The following ZNF827 variants were observed in gnomAD, a reference collection of about 807,000 sequenced individuals.
ZNF827 encodes zinc finger protein 827.
A neutral mutation model predicts 102.4 loss-of-function variants in ZNF827; 13 were observed. The observed-to-expected ratio is 0.13, with a 90% confidence interval of 0.08 to 0.20. The LOEUF (loss-of-function observed/expected upper bound fraction) is 0.20. Among genes scored for constraint, ZNF827 ranks in the 10% least tolerant of loss-of-function variants. ZNF827 has a pLI of 1.00. For missense variants in ZNF827, 1,103 were observed against 1,344.4 expected, an observed-to-expected ratio of 0.82 and a Z score of 2.81; for synonymous variants, 523 against 536.2, an observed-to-expected ratio of 0.98 and a Z score of 0.34.
intron 1 of ZNF827, among the ~76,000 whole-genome samples, chr4:145,924,124 T>C (rs1470380783): frequency 6.6e-6 from 1 of 152,162 alleles, no homozygotes; most frequent in Non-Finnish European, 1.5e-5. Flanking sequence ...AAGGTAACCA[T>C]TGAATGAAAC....
chr4:145,871,211 C>G (rs544664747), intron 4 of ZNF827, among the ~76,000 whole-genome samples: 2 of 152,114 alleles, frequency 1.3e-5, no homozygotes, highest in Non-Finnish European at 2.9e-5. Flanking sequence ...CCAGAATTCC[C>G]TAATGTTAGC....
In ZNF827 at chr4:145,918,113, C is replaced by A. The variant is rs866039155; in HGVS notation, c.44-14898G>T. On this transcript the variant is annotated intron_variant, in intron 1 of 14. Coordinates refer to ENST00000508784, the MANE Select transcript of ZNF827 (RefSeq NM_001306215.2). ...AGTAAAAACATCAATTGCTTTTGCA[C>A]CAATCTAATAAATTTGCTCAACTAA... Among the ~76,000 whole-genome samples, 9 of 152,010 alleles carry A rather than the reference C, an allele frequency of 5.9e-5. No individual in the cohort carries two copies. In the South Asian group the frequency reaches 1.9e-3, roughly 32 times the overall value.
intron 8 of ZNF827, among the ~76,000 whole-genome samples, chr4:145,815,465 G>A (rs1309468464): frequency 6.6e-6 from 1 of 152,176 alleles, no homozygotes; most frequent in African/African-American, 2.4e-5. Context: ...TGTGATGTGG[G>A]AGTGTCTTCT....
chr4:145,922,746 T>C (rs75228259), intron 1 of ZNF827, among the ~76,000 whole-genome samples: 25 of 152,336 alleles, frequency 1.6e-4, no homozygotes, highest in Admixed American at 5.2e-4. Flanking sequence ...TCACTTTTAA[T>C]TGAAAGGATA....
chr4:145,881,070 G>C (rs1422300337), intron 4 of ZNF827, among the ~76,000 whole-genome samples: 1 of 152,192 alleles, frequency 6.6e-6, no homozygotes, highest in African/African-American at 2.4e-5. Flanking sequence ...TACAAAAACT[G>C]TATTGTAAAT....
chr4:145,862,575 A>T (rs938414731), intron 5 of ZNF827, among the ~76,000 whole-genome samples: 1 of 152,172 alleles, frequency 6.6e-6, no homozygotes. Context: ...GAGGAAAGTG[A>T]TCCAGCCATT....
intron 2 of ZNF827, among the ~76,000 whole-genome samples, chr4:145,896,053 A>G (rs969197945): frequency 6.6e-6 from 1 of 152,224 alleles, no homozygotes; most frequent in African/African-American, 2.4e-5. Context: ...TGGAGAAAAC[A>G]TATTCTCTTC....
chr4:145,847,394 G>A (rs540157849), intron 6 of ZNF827, among the ~76,000 whole-genome samples: 4 of 152,240 alleles, frequency 2.6e-5, no homozygotes, highest in South Asian at 2.1e-4. Context: ...CAACTGTTCC[G>A]CCTCTGACTT....
At chr4:145,769,074 A>G (rs1380407275) in intron 11 of ZNF827, among the ~76,000 whole-genome samples, 1 of 151,248 alleles carries the variant, frequency 6.6e-6, no homozygotes, top group Non-Finnish European at 1.5e-5. Flanking sequence ...AGAAATATGT[A>G]CCCACTTACA....
intron 5 of ZNF827, among the ~76,000 whole-genome samples, chr4:145,857,135 G>A (rs188495735): frequency 5.7e-4 from 87 of 152,268 alleles, no homozygotes; most frequent in African/African-American, 2.0e-3. Context: ...ATTTAGGAAG[G>A]AAAATTAACA....
At chr4:145,797,078 G>A (rs979339318) in intron 8 of ZNF827, among the ~76,000 whole-genome samples, 1 of 152,188 alleles carries the variant, frequency 6.6e-6, no homozygotes, top group Non-Finnish European at 1.5e-5. Flanking sequence ...CTGGGGTCAT[G>A]CCAAACCAGA....
rs1736759957 is a variant in ZNF827 at position 145,774,548 on chromosome 4, C to T, written c.2818G>A (p.Glu940Lys). Residue 940 changes from glutamate (E) to lysine (K), a missense_variant, in exon 11 of 15, where the codon GAG (glutamate) becomes AAG (lysine). Around this residue, in one of 5 missense-constraint regions of ZNF827, gnomAD observed 242 missense variants for 361.9 expected, o/e 0.67. Transcript: ENST00000508784. The part of the protein sequence containing the change: ...CCTACDFVTM[E>K]EAEIKTHIGT... ...ATGTGAGTCTTTATCTCTGCTTCCTCCATGGTGACGAAGTCGCAGGCAGTG... is the reference window on the plus strand; with the variant it reads ...ATGTGAGTCTTTATCTCTGCTTCCTTCATGGTGACGAAGTCGCAGGCAGTG... 6.2e-7 allele frequency: 1 copy of T among 1,612,290 alleles called. No homozygotes were observed.
chr4:145,870,498 G>A lies in ZNF827; in HGVS notation c.1748-20C>T. 1.2e-6 allele frequency: 2 copies of A among 1,608,648 alleles called. No homozygotes were observed. Among genetic ancestry groups the A allele is most frequent in the South Asian group, 2.2e-5 (2 of 90,862 alleles). ...TTGCAGCTGTCAAAAGAAAAAAAGG[G>A]ATTATATATACATAAAAGGCCACTC... On this transcript the variant is annotated intron_variant, in intron 4 of 14. Transcript: ENST00000508784.
At chr4:145,889,962 G>T (rs564994356) in intron 3 of ZNF827, among the ~76,000 whole-genome samples, 4 of 149,850 alleles carry the variant, frequency 2.7e-5, no homozygotes, top group African/African-American at 9.8e-5. Context: ...GGGTAAGAGA[G>T]CTAGACTCCG....
At chr4:145,866,417 T>C (rs2126738986) in intron 5 of ZNF827, among the ~76,000 whole-genome samples, 1 of 152,348 alleles carries the variant, frequency 6.6e-6, no homozygotes, top group Non-Finnish European at 1.5e-5. Flanking sequence ...CACTATGTTA[T>C]TTCAAATCTA....
intron 8 of ZNF827, among the ~76,000 whole-genome samples, chr4:145,804,140 T>C (rs1425683237): frequency 6.6e-6 from 1 of 152,258 alleles, no homozygotes; most frequent in African/African-American, 2.4e-5. Context: ...CATATACATA[T>C]GCGTGTGTAC....
chr4:145,854,655 C>A (rs1188187676), intron 5 of ZNF827, among the ~76,000 whole-genome samples: 1 of 152,226 alleles, frequency 6.6e-6, no homozygotes, highest in Non-Finnish European at 1.5e-5. Flanking sequence ...TCCTGCAATA[C>A]TGAAATATTC....
chr4:145,793,552 T>C (rs1560931520), intron 8 of ZNF827, among the ~76,000 whole-genome samples: 1 of 151,636 alleles, frequency 6.6e-6, no homozygotes, highest in Non-Finnish European at 1.5e-5. Context: ...CTGCCTGCTT[T>C]ATATTTGCTG....
intron 8 of ZNF827, among the ~76,000 whole-genome samples, chr4:145,784,941 C>T (rs761447331): frequency 1.2e-4 from 18 of 152,150 alleles, no homozygotes; most frequent in South Asian, 2.1e-4. Flanking sequence ...CCTGGGATAA[C>T]CATAAATTGC....
Sources: allele counts gnomAD v4.1 joint callset (sites outside exome capture counted in the v4.1 genomes callset), GRCh38; gene constraint gnomAD v4.1.1; regional missense constraint gnomAD v4.1.1; transcripts MANE v1.5; gene names NCBI Gene and HGNC (gene_info 2026-07-23, HGNC 2026-07-21).